DNER: variants seen among roughly 807,000 people sequenced by gnomAD.
DNER encodes delta and Notch-like epidermal growth factor-related receptor.
A neutral mutation model predicts 78.2 loss-of-function variants in DNER; 33 were observed. That is an observed-to-expected ratio of 0.42 (90% CI 0.32 to 0.56). The LOEUF (loss-of-function observed/expected upper bound fraction) is 0.56. Among genes scored for constraint, DNER ranks in the 20% least tolerant of loss-of-function variants. DNER has a pLI of 0.11. For synonymous variants in DNER, 417 were observed against 384.8 expected (o/e 1.08, Z -0.98); for missense variants, 918 against 975.3 (o/e 0.94, Z 0.78).
intron 6 of DNER, among the ~76,000 whole-genome samples, chr2:229,481,176 C>A (rs1021403404): frequency 6.6e-6 from 1 of 152,146 alleles, no homozygotes; most frequent in Non-Finnish European, 1.5e-5. Context: ...TTGCTTGGTG[C>A]GAGCGTTTCC....
chr2:229,704,088 G>A (rs954410822), intron 1 of DNER, among the ~76,000 whole-genome samples: 16 of 152,170 alleles, frequency 1.1e-4, no homozygotes, highest in Admixed American at 9.2e-4. Context: ...ATAGCAAATA[G>A]CATATGAAAA....
chr2:229,396,370 G>A (rs185344409), intron 10 of DNER, among the ~76,000 whole-genome samples: 10 of 152,274 alleles, frequency 6.6e-5, no homozygotes, highest in Non-Finnish European at 1.0e-4. Flanking sequence ...GAGTTAAAGA[G>A]TTAAAATACT....
At chr2:229,388,592 AATATAT>A (rs56042896) in intron 10 of DNER, among the ~76,000 whole-genome samples, 196 bp from the exon 11 acceptor site, 206 of 57,842 alleles carry the variant, frequency 3.6e-3, no homozygotes, top group Non-Finnish European at 4.4e-3. Flanking sequence ...CTAAAAAGGA[AATATAT>A]ATATATATAT....
chr2:229,525,652 G>T (rs1016810589), intron 5 of DNER, among the ~76,000 whole-genome samples: 1 of 152,014 alleles, frequency 6.6e-6, no homozygotes, highest in Admixed American at 6.5e-5. Flanking sequence ...TGCTCTTGTT[G>T]CCTGGGCGGG....
intron 1 of DNER, among the ~76,000 whole-genome samples, chr2:229,710,983 G>GCGCGCGCACACA (rs1553555262): frequency 3.0e-4 from 42 of 139,810 alleles, no homozygotes; most frequent in African/African-American, 1.1e-3. Context: ...GCATACACGC[G>GCGCGCGCACACA]CACACACACA....
intron 4 of DNER, among the ~76,000 whole-genome samples, chr2:229,568,101 A>AATATCAAGCATATC (rs1332791961): frequency 2.3e-4 from 35 of 152,340 alleles, no homozygotes; most frequent in African/African-American, 8.4e-4. Flanking sequence ...TATTCCAAAG[A>AATATCAAGCATATC]AAGAAAAAAT....
chr2:229,479,218 T>A (rs948912368), intron 6 of DNER, among the ~76,000 whole-genome samples: 1 of 152,182 alleles, frequency 6.6e-6, no homozygotes, highest in Non-Finnish European at 1.5e-5. Context: ...CCGAGGATTA[T>A]GAAGGTTAAG....
intron 1 of DNER, among the ~76,000 whole-genome samples, chr2:229,618,641 C>T (rs546514884): frequency 5.3e-5 from 8 of 152,196 alleles, no homozygotes; most frequent in East Asian, 3.9e-4. Context: ...TCTCAGCTGC[C>T]GTCCAAATTG....
intron 6 of DNER, among the ~76,000 whole-genome samples, chr2:229,492,797 T>C (rs967680662): frequency 7.9e-5 from 12 of 152,190 alleles, no homozygotes; most frequent in African/African-American, 2.7e-4. Context: ...GCCTCTGAAA[T>C]ACCTATGACT....
intron 5 of DNER, among the ~76,000 whole-genome samples, chr2:229,524,045 C>A (rs541905087): frequency 3.3e-5 from 5 of 152,292 alleles, no homozygotes. Context: ...TATTGTTATT[C>A]TCATTTTATA....
chr2:229,587,758 C>T (rs1013916807), intron 3 of DNER, among the ~76,000 whole-genome samples: 1 of 152,102 alleles, frequency 6.6e-6, no homozygotes, highest in Non-Finnish European at 1.5e-5. Context: ...ATACCCCACC[C>T]CCAGCTTTGT....
intron 12 of DNER, among the ~76,000 whole-genome samples, chr2:229,366,464 T>C (rs1692348692): frequency 6.6e-6 from 1 of 152,222 alleles, no homozygotes; most frequent in Non-Finnish European, 1.5e-5. Context: ...AGTAGAAAGA[T>C]AGCTCTTTAT....
At chr2:229,388,165 G>A in intron 11 of DNER, 100 bp downstream of exon 11, 2 of 1,474,614 alleles carry the variant, frequency 1.4e-6, no homozygotes, top group Non-Finnish European at 1.8e-6. Flanking sequence ...AGTGACTCGG[G>A]GGCTTTCTGG....
chr2:229,461,651 T>C (rs1004695688), intron 7 of DNER, among the ~76,000 whole-genome samples: 5 of 152,014 alleles, frequency 3.3e-5, no homozygotes, highest in African/African-American at 1.2e-4. Flanking sequence ...ATTAATAAGC[T>C]ATAACAGAGG....
At chr2:229,434,220 G>T (rs1694074585) in intron 8 of DNER, among the ~76,000 whole-genome samples, 1 of 152,200 alleles carries the variant, frequency 6.6e-6, no homozygotes, top group African/African-American at 2.4e-5. Flanking sequence ...TATCACTGGG[G>T]ACATTCACAG....
chr2:229,364,248 A>C (rs1692288566), intron 12 of DNER, among the ~76,000 whole-genome samples: 1 of 151,848 alleles, frequency 6.6e-6, no homozygotes, highest in African/African-American at 2.4e-5. Context: ...CCACTTACTG[A>C]GTTGGTGCCC....
intron 1 of DNER, among the ~76,000 whole-genome samples, chr2:229,640,845 T>C (rs1359883936): frequency 6.6e-6 from 1 of 152,086 alleles, no homozygotes; most frequent in African/African-American, 2.4e-5. Context: ...GGGTTTTGGA[T>C]AGAAAAGGTC....
chr2:229,610,413 C>T (rs562851221), intron 1 of DNER, among the ~76,000 whole-genome samples: 1 of 152,184 alleles, frequency 6.6e-6, no homozygotes, highest in Non-Finnish European at 1.5e-5. Context: ...AACTGAGACC[C>T]GCATTCAGAT....
At chr2:229,620,040 G>A (rs1348649230) in intron 1 of DNER, among the ~76,000 whole-genome samples, 1 of 151,808 alleles carries the variant, frequency 6.6e-6, no homozygotes, top group African/African-American at 2.4e-5. Flanking sequence ...CCAGGGTGAA[G>A]TTTCTTCGCA....
Sources: allele counts gnomAD v4.1 joint callset (sites outside exome capture counted in the v4.1 genomes callset), GRCh38; gene constraint gnomAD v4.1.1; transcripts MANE v1.5; gene names NCBI Gene and HGNC (gene_info 2026-07-23, HGNC 2026-07-21).